CADPS2: variants seen among roughly 807,000 people sequenced by gnomAD.
CADPS2 encodes the protein calcium-dependent secretion activator 2.
CADPS2 carries 93 observed loss-of-function variants against 172.5 expected under a neutral mutation model. The observed-to-expected ratio is 0.54, with a 90% CI of 0.46 to 0.64. The LOEUF (loss-of-function observed/expected upper bound fraction) is 0.64, where lower values mean the gene tolerates loss of function less well. CADPS2 is among the 30% of genes least tolerant of loss of function. The pLI, the probability that CADPS2 is intolerant of heterozygous loss-of-function variation, is 0.00. For missense variants in CADPS2, 1,420 were observed against 1,565.9 expected, an observed-to-expected ratio of 0.91 and a Z score of 1.57; for synonymous variants, 546 against 555.2, an observed-to-expected ratio of 0.98 and a Z score of 0.23.
chr7:122,844,215 T>C (rs1217939729), intron 1 of CADPS2, among the ~76,000 whole-genome samples: 1 of 152,218 alleles, frequency 6.6e-6, no homozygotes, highest in East Asian at 1.9e-4. Context: ...GGCAAAGAAC[T>C]AGGGGAACAG....
At chr7:122,475,066 T>C (rs1387536760) in intron 12 of CADPS2, among the ~76,000 whole-genome samples, 17 of 152,136 alleles carry the variant, frequency 1.1e-4, no homozygotes. Context: ...GAGCATCATG[T>C]TTGCGCAAAT....
chr7:122,719,085 T>A (rs2090048843), intron 2 of CADPS2, among the ~76,000 whole-genome samples: 1 of 152,080 alleles, frequency 6.6e-6, no homozygotes, highest in Non-Finnish European at 1.5e-5. Flanking sequence ...CACAGCTCCC[T>A]TTGAATTCTC....
intron 16 of CADPS2, among the ~76,000 whole-genome samples, chr7:122,440,542 A>C (rs2051212793): frequency 6.6e-6 from 1 of 152,212 alleles, no homozygotes; most frequent in Non-Finnish European, 1.5e-5. Flanking sequence ...AAATAAAATT[A>C]ATCTGTAATC....
At chr7:122,772,328 G>C (rs1050790890) in intron 1 of CADPS2, among the ~76,000 whole-genome samples, 4 of 152,130 alleles carry the variant, frequency 2.6e-5, no homozygotes, top group Admixed American at 2.6e-4. Context: ...CACTTCAATA[G>C]TCCAAACATT....
intron 2 of CADPS2, among the ~76,000 whole-genome samples, chr7:122,668,866 T>C (rs564089213): frequency 6.6e-6 from 1 of 152,326 alleles, no homozygotes; most frequent in Non-Finnish European, 1.5e-5. Context: ...TTCATCTGCC[T>C]TACTCTTTCA....
intron 1 of CADPS2, among the ~76,000 whole-genome samples, chr7:122,862,391 G>A (rs984911298): frequency 6.6e-6 from 1 of 152,118 alleles, no homozygotes; most frequent in Non-Finnish European, 1.5e-5. Context: ...CATAATCCAA[G>A]GAAAGAAGAG....
chr7:122,778,537 C>T (rs1241191711), intron 1 of CADPS2, among the ~76,000 whole-genome samples: 2 of 152,152 alleles, frequency 1.3e-5, no homozygotes, highest in Middle Eastern at 3.2e-3. Flanking sequence ...ATCATAGGCC[C>T]AGAGGCCTGG....
intron 1 of CADPS2, among the ~76,000 whole-genome samples, chr7:122,762,913 G>C (rs775944993): frequency 1.3e-5 from 2 of 152,072 alleles, no homozygotes; most frequent in African/African-American, 4.8e-5. Flanking sequence ...GAAAGAGAAA[G>C]ATAGGAGGTC....
Position 122,438,378 on chromosome 7 carries a change from G to T in CADPS2, c.2439C>A (p.Ile813=). The T allele has an allele frequency of 6.2e-7, 1 of 1,613,156 alleles. No individual in the cohort carries two copies. The highest frequency in any genetic ancestry group is 8.5e-7 in the Non-Finnish European group (1 of 1,179,332). Residue 813 remains isoleucine, a synonymous_variant, in exon 17 of 30, where the codon ATC becomes ATA. Coordinates refer to ENST00000449022, the MANE Select transcript of CADPS2 (RefSeq NM_017954.11). ...VRKCLEKAAL[I]NYTRLTEYAK... Reference sequence around the variant, plus strand: ...CATATTCTGTGAGTCTAGTGTAATTGATCAAGGCAGCTTTCTCGAGACATT... The same window carrying T: ...CATATTCTGTGAGTCTAGTGTAATTTATCAAGGCAGCTTTCTCGAGACATT...
intron 1 of CADPS2, among the ~76,000 whole-genome samples, chr7:122,854,793 C>T (rs954104877): frequency 1.3e-5 from 2 of 152,132 alleles, no homozygotes; most frequent in African/African-American, 2.4e-5. Flanking sequence ...TGAATCAACC[C>T]GAGGAACAGG....
chr7:122,686,604 C>G (rs554478870), intron 2 of CADPS2, among the ~76,000 whole-genome samples: 27 of 152,214 alleles, frequency 1.8e-4, no homozygotes, highest in African/African-American at 6.3e-4. Context: ...TGAGGCTGCT[C>G]GAAGATGCTT....
At position 122,333,900 on chromosome 7, in the gene CADPS2, T is replaced by C. The variant is rs894768636; in HGVS notation, c.3613-8319A>G. On this transcript the variant is annotated intron_variant, in intron 28 of 29. Coordinates refer to ENST00000449022, the MANE Select transcript of CADPS2 (RefSeq NM_017954.11). The stretch of plus-strand genomic sequence containing the variant: ...TTATAAATATAAATTTATATATATA[T>C]ATATCATATCTATAATAGCAGACAG... Among the ~76,000 whole-genome samples, 9 of 150,390 alleles carry C rather than the reference T, an allele frequency of 6.0e-5. No homozygotes were observed. In the Middle Eastern group the frequency reaches 0.011, roughly 177 times the overall value.
At chr7:122,882,828 T>G (rs1006719997) in intron 1 of CADPS2, among the ~76,000 whole-genome samples, 9 of 152,092 alleles carry the variant, frequency 5.9e-5, no homozygotes, top group Non-Finnish European at 1.0e-4. Context: ...AAATCAGCAT[T>G]AGAGGCTCAA....
At chr7:122,675,807 C>A (rs918698456) in intron 2 of CADPS2, among the ~76,000 whole-genome samples, 2 of 151,942 alleles carry the variant, frequency 1.3e-5, no homozygotes, top group African/African-American at 4.8e-5. Context: ...CAACATACAC[C>A]AGGGCCTGTT....
chr7:122,868,556 T>C (rs1182659181), intron 1 of CADPS2, among the ~76,000 whole-genome samples: 1 of 152,102 alleles, frequency 6.6e-6, no homozygotes, highest in Admixed American at 6.6e-5. Context: ...ACAAAGAGCT[T>C]AGAATATAGA....
At chr7:122,377,219 G>A (rs767794171) in intron 25 of CADPS2, among the ~76,000 whole-genome samples, 49 of 152,070 alleles carry the variant, frequency 3.2e-4, no homozygotes, top group Non-Finnish European at 6.0e-4. Flanking sequence ...ACCACATGTG[G>A]CTAGTAGCCA....
chr7:122,369,132 C>T (rs113867679), intron 25 of CADPS2, among the ~76,000 whole-genome samples: 4 of 80,096 alleles, frequency 5.0e-5, no homozygotes, highest in South Asian at 5.5e-4. Context: ...TTGTTTCCCC[C>T]CCCCCCCCCC....
At chr7:122,493,251 T>A (rs1343666300) in intron 9 of CADPS2, among the ~76,000 whole-genome samples, 1 of 152,158 alleles carries the variant, frequency 6.6e-6, no homozygotes, top group Non-Finnish European at 1.5e-5. Flanking sequence ...CTACTCTTTT[T>A]TATTTTCACA....
In CADPS2 at chr7:122,621,687, C is replaced by A. The variant is rs1343367881; in HGVS notation, c.898G>T (p.Asp300Tyr). ...TCTTCTATATACATATTCTCCATAT[C>A]TTTTGCTATAAATTTGGGGAATTTT... The part of the protein sequence containing the change: ...ERKFPKFIAK[D>Y]MENMYIEELR... Residue 300 changes from aspartate (D) to tyrosine (Y), a missense_variant, in exon 5 of 30, where the codon GAT becomes TAT. Physicochemically the swap from Asp to Tyr is radical, Grantham distance 160. Transcript: ENST00000449022. 1.3e-6 allele frequency: 2 copies of A among 1,594,478 alleles called. No homozygotes were observed. The highest frequency in any genetic ancestry group is 1.4e-5 in the African/African-American group (1 of 73,836).
Sources: allele counts gnomAD v4.1 joint callset (sites outside exome capture counted in the v4.1 genomes callset), GRCh38; gene constraint gnomAD v4.1.1; transcripts MANE v1.5; gene names NCBI Gene and HGNC (gene_info 2026-07-23, HGNC 2026-07-21).